The following VAC14 variants were observed in gnomAD, a reference collection of about 807,000 sequenced individuals.
The protein encoded by VAC14 is protein VAC14 homolog.
In VAC14, 47 loss-of-function variants were observed where a neutral mutation model predicts 85.3. The ratio of observed to expected loss-of-function variants is 0.55; its 90% CI spans 0.44 to 0.70. The LOEUF (loss-of-function observed/expected upper bound fraction) is 0.70. Ranked by LOEUF, VAC14 falls within the 30% of genes least tolerant of loss-of-function variation. The pLI is 0.00. For missense variants in VAC14, 861 were observed against 1,004.3 expected (o/e 0.86, Z 1.93); for synonymous variants, 447 against 430.5 (o/e 1.04, Z -0.47).
intron 12 of VAC14, among the ~76,000 whole-genome samples, chr16:70,750,508 G>C (rs138125347): frequency 6.6e-6 from 1 of 152,220 alleles, no homozygotes; most frequent in Non-Finnish European, 1.5e-5. Flanking sequence ...GCTGGCCATT[G>C]GTGGAGTGAA....
Position 70,786,230 on chromosome 16 carries a change from G to A in VAC14, c.240C>T (p.Ser80=). ...KGGLIGLAAC[S]IALGKDSGLY... is the part of the protein sequence containing the mutation. Reference sequence around the variant, plus strand: ...AAAGGCCCACCTTGCCCAGTGCGATGGAGCAGGCGGCCAGGCCGATGAGGC... The same window carrying A: ...AAAGGCCCACCTTGCCCAGTGCGATAGAGCAGGCGGCCAGGCCGATGAGGC... The change falls in exon 2 of 19, where the codon TCC becomes TCT. Residue 80 remains serine, a synonymous_variant. Coordinates refer to ENST00000261776, the MANE Select transcript of VAC14 (RefSeq NM_018052.5). The A allele has an allele frequency of 1.9e-6, 3 of 1,614,198 alleles. No individual in the cohort carries two copies. Among genetic ancestry groups the A allele is most frequent in the African/African-American group, 1.3e-5 (1 of 75,080 alleles).
intron 14 of VAC14, among the ~76,000 whole-genome samples, chr16:70,717,631 G>A (rs1457576997): frequency 6.6e-6 from 1 of 152,078 alleles, no homozygotes; most frequent in Admixed American, 6.6e-5. Context: ...AGACGGGAGA[G>A]TGCTGGGGTT....
chr16:70,736,644 T>C (rs1333762963), intron 13 of VAC14, among the ~76,000 whole-genome samples: 1 of 152,174 alleles, frequency 6.6e-6, no homozygotes, highest in Non-Finnish European at 1.5e-5. Context: ...GGCTGCCCCT[T>C]GGACCCTGGA....
chr16:70,774,623 T>A (rs1050226031), intron 9 of VAC14, among the ~76,000 whole-genome samples: 3 of 152,192 alleles, frequency 2.0e-5, no homozygotes, highest in Admixed American at 6.5e-5. Context: ...AGCTTGCCTA[T>A]AACAAATATT....
chr16:70,734,635 C>A (rs543076288), intron 13 of VAC14, among the ~76,000 whole-genome samples: 1 of 152,100 alleles, frequency 6.6e-6, no homozygotes, highest in Non-Finnish European at 1.5e-5. Context: ...AGGAAAGGGT[C>A]TAAATCCTTT....
chr16:70,793,223 G>A (rs1247271192), intron 1 of VAC14, among the ~76,000 whole-genome samples: 2 of 152,212 alleles, frequency 1.3e-5, no homozygotes, highest in Non-Finnish European at 2.9e-5. Flanking sequence ...TACTTGAGAT[G>A]TTTTGAAATG....
intron 14 of VAC14, among the ~76,000 whole-genome samples, chr16:70,710,456 T>G (rs1419791875): frequency 6.6e-6 from 1 of 152,160 alleles, no homozygotes; most frequent in East Asian, 1.9e-4. Flanking sequence ...TTGTGAGGAA[T>G]GAGGCGGGTG....
chr16:70,772,224 A>C, intron 9 of VAC14, 52 bp from the exon 10 acceptor site: 4 of 1,489,878 alleles, frequency 2.7e-6, no homozygotes, highest in Non-Finnish European at 3.7e-6. Flanking sequence ...GCTCTCTTGA[A>C]TAAACAAGAC....
rs188226593 is a variant in VAC14, at chr16:70,697,592, C to T, written c.1837-335G>A. ...CCCACCCCAAAGAACTCTGTGGTCC[C>T]GGAGCCCCATGGGGCTGGGATGATG... On this transcript the variant is annotated intron_variant, in intron 15 of 18. Coordinates refer to ENST00000261776, the MANE Select transcript of VAC14 (RefSeq NM_018052.5). Among the ~76,000 whole-genome samples the T allele has an allele frequency of 3.5e-4, 54 of 152,238 alleles. 1 individual carries two copies. The highest frequency in any genetic ancestry group is 1.1e-3 in the African/African-American group (46 of 41,540).
intron 14 of VAC14, among the ~76,000 whole-genome samples, chr16:70,726,940 C>T (rs1323807747): frequency 6.6e-6 from 1 of 152,336 alleles, no homozygotes; most frequent in South Asian, 2.1e-4. Flanking sequence ...CGTTCTCACC[C>T]CCACTGACTC....
At chr16:70,697,610 G>C (rs2053740176) in intron 15 of VAC14, among the ~76,000 whole-genome samples, 1 of 152,188 alleles carries the variant, frequency 6.6e-6, no homozygotes, top group African/African-American at 2.4e-5. Flanking sequence ...CATGGGGCTG[G>C]GATGATGATG....
At position 70,688,020 on chromosome 16, in the gene VAC14, G is replaced by A; in HGVS notation, c.2257C>T (p.Gln753Ter). ...TTGTTCTGGACCTTCTCAAAGTGCT[G>A]CAGCAGCTCTGCGTAGTCGATGCTA... ...SPSIDYAELL[Q>*]HFEKVQNKHL... Residue 753 changes from glutamine to a stop codon, truncating the protein, a stop_gained, in exon 19 of 19, where the codon CAG becomes TAG. Coordinates refer to ENST00000261776, the MANE Select transcript of VAC14 (RefSeq NM_018052.5). LOFTEE classifies it high-confidence loss of function. The A allele has an allele frequency of 6.2e-7, 1 of 1,606,678 alleles. No individual in the cohort carries two copies. Among genetic ancestry groups the A allele is most frequent in the Non-Finnish European group, 8.5e-7 (1 of 1,175,772 alleles).
intron 13 of VAC14, among the ~76,000 whole-genome samples, chr16:70,734,007 A>G (rs907715385): frequency 6.6e-6 from 1 of 152,016 alleles, no homozygotes; most frequent in Non-Finnish European, 1.5e-5. Context: ...TATTTTTAGT[A>G]GAGGTGGGGT....
chr16:70,691,319 A>C (rs965441407), intron 18 of VAC14: 5 of 985,316 alleles, frequency 5.1e-6, no homozygotes, highest in Non-Finnish European at 6.0e-6. Flanking sequence ...ACTGGAGGTC[A>C]CAGGGAAGCA....
chr16:70,710,621 C>G (rs1318770424), intron 14 of VAC14, among the ~76,000 whole-genome samples: 1 of 152,234 alleles, frequency 6.6e-6, no homozygotes, highest in African/African-American at 2.4e-5. Context: ...TGTTCCAGGC[C>G]AGGGAGCACT....
In VAC14 at chr16:70,762,512, A is replaced by G. The variant is rs750527018; in HGVS notation, c.1371+28T>C. ...GGGGAGGCAGGGCAGCCGATGTTCC[A>G]TAAGTACGGGTGGCGTTGGTGACCT... On this transcript the variant is annotated intron_variant, in intron 12 of 18. Coordinates refer to ENST00000261776, the MANE Select transcript of VAC14 (RefSeq NM_018052.5). The surrounding 1 kb of genome is among the most constrained non-coding windows in gnomAD (Gnocchi z 4.1). 8.1e-6 allele frequency: 13 copies of G among 1,612,112 alleles called. No homozygotes were observed. Among genetic ancestry groups the G allele is most frequent in the East Asian group, 4.5e-5 (2 of 44,876 alleles).
chr16:70,716,661 T>C (rs1420140119), intron 14 of VAC14: 2 of 152,272 alleles, frequency 1.3e-5, no homozygotes, highest in African/African-American at 4.8e-5. Context: ...TACCCAGGCC[T>C]GGGTCACATG....
chr16:70,787,080 G>C (rs2034099349), intron 1 of VAC14, among the ~76,000 whole-genome samples: 1 of 152,190 alleles, frequency 6.6e-6, no homozygotes, highest in Non-Finnish European at 1.5e-5. Context: ...CTAGAGACAG[G>C]TAAAGAAAAG....
At chr16:70,781,792 C>A in intron 8 of VAC14, 77 bp downstream of exon 8, 2 of 1,555,288 alleles carry the variant, frequency 1.3e-6, no homozygotes, top group Non-Finnish European at 1.8e-6. Context: ...GAGCCCCCAG[C>A]CCCCAGTGCA....
Sources: gnomAD v4.1 joint callset for allele counts (sites outside exome capture counted in the v4.1 genomes callset) on GRCh38, gnomAD v4.1.1 for gene constraint, Gnocchi (gnomAD v3.1) non-coding constraint, MANE v1.5 for transcripts, NCBI Gene and HGNC (gene_info 2026-07-23, HGNC 2026-07-21) for gene names.